Variants in SEPHS1 observed in about 807,000 individuals in gnomAD.
The protein encoded by SEPHS1 is selenophosphate synthetase 1.
Under a neutral mutation model 39.2 loss-of-function variants are expected in SEPHS1, and 7 were observed. That is an observed-to-expected ratio of 0.18 (90% CI 0.10 to 0.34). The LOEUF (loss-of-function observed/expected upper bound fraction) is 0.34, where lower values mean the gene tolerates loss of function less well. Among genes scored for constraint, SEPHS1 ranks in the 10% least tolerant of loss-of-function variants. The pLI, the probability that SEPHS1 is intolerant of heterozygous loss-of-function variation, is 1.00. For missense variants in SEPHS1, 253 were observed against 514.5 expected, an observed-to-expected ratio of 0.49 and a Z score of 4.92; for synonymous variants, 190 against 195.5, an observed-to-expected ratio of 0.97 and a Z score of 0.23.
intron 8 of SEPHS1, among the ~76,000 whole-genome samples, chr10:13,320,258 T>G (rs1833065705): frequency 6.6e-6 from 1 of 151,506 alleles, no homozygotes; most frequent in South Asian, 2.1e-4. Context: ...CTCGGCTCAC[T>G]GCAAGCTCCA....
Position 13,318,034 on chromosome 10 carries a change from G to A in SEPHS1, c.*1108C>T, listed in dbSNP as rs191808187. 1 of 152,140 alleles carries A rather than the reference G, an allele frequency of 6.6e-6. No individual in the cohort carries two copies. Among genetic ancestry groups the A allele is most frequent in the East Asian group, 1.9e-4 (1 of 5,188 alleles). 9.4% of individuals were successfully genotyped at this position (152,140 alleles called of 1,614,324 possible). On this transcript the variant is annotated 3_prime_UTR_variant, in exon 9 of 9. Transcript: ENST00000327347. Reference sequence around the variant, plus strand: ...GTACTTTAGGCAAAACCCTCCCAACGCTTCTAAAATAATACTAAAAGGGGC... The same window carrying A: ...GTACTTTAGGCAAAACCCTCCCAACACTTCTAAAATAATACTAAAAGGGGC...
intron 4 of SEPHS1, among the ~76,000 whole-genome samples, chr10:13,334,398 G>A (rs1449945061): frequency 2.0e-5 from 3 of 152,012 alleles, no homozygotes; most frequent in East Asian, 1.9e-4. Context: ...AAAATTAGCC[G>A]GGTGTGGTAG....
chr10:13,345,013 T>C lies in SEPHS1; in HGVS notation c.-63A>G, dbSNP rs557774306. The C allele has an allele frequency of 4.4e-5, 60 of 1,350,526 alleles. No individual in the cohort carries two copies. The highest frequency in any genetic ancestry group is 5.0e-5 in the Non-Finnish European group (52 of 1,032,006). 83.7% of individuals were successfully genotyped at this position (1,350,526 alleles called of 1,614,324 possible). A position where few individuals can be genotyped will look rare whatever the true frequency, so the allele number is the denominator to read the frequency against. ...CCCCTCCCTCTGCGGGTTGGCTGGG[T>C]TCTTTATGGATCCACCTGGGTGTCA... On this transcript the variant is annotated 5_prime_UTR_variant, in exon 2 of 9. Transcript: ENST00000327347.
At chr10:13,340,286 ACT>A (rs909789632) in intron 2 of SEPHS1, among the ~76,000 whole-genome samples, 1 of 151,868 alleles carries the variant, frequency 6.6e-6, no homozygotes, top group African/African-American at 2.4e-5. Context: ...CAAAGCAGAA[ACT>A]CTTGCTGGAA....
chr10:13,325,956 AAAAAAAAATAAT>A (rs1427136150), intron 7 of SEPHS1, among the ~76,000 whole-genome samples: 1 of 113,928 alleles, frequency 8.8e-6, no homozygotes, highest in Non-Finnish European at 1.8e-5. Flanking sequence ...CAAAAAAAAA[AAAAAAAAATAAT>A]AATAATAATA....
intron 2 of SEPHS1, among the ~76,000 whole-genome samples, chr10:13,340,304 C>T (rs1441244188): frequency 1.3e-5 from 2 of 151,768 alleles, no homozygotes; most frequent in Non-Finnish European, 2.9e-5. Context: ...TGGAAGACCT[C>T]GCTTAGGGAA....
At chr10:13,331,288 T>C (rs1833460906) in intron 5 of SEPHS1, among the ~76,000 whole-genome samples, 1 of 152,248 alleles carries the variant, frequency 6.6e-6, no homozygotes, top group African/African-American at 2.4e-5. Flanking sequence ...AGTGCTGCAA[T>C]AAACATATGT....
rs188207602 is a variant in SEPHS1, at chr10:13,324,102, G to A, written c.752-1055C>T. 1.3e-3 allele frequency among the ~76,000 whole-genome samples: 196 copies of A among 152,270 alleles called. 1 individual carries two copies. Among genetic ancestry groups the A allele is most frequent in the Non-Finnish European group, 2.1e-3 (144 of 68,016 alleles). The stretch of plus-strand genomic sequence containing the variant: ...GCTCTACCTGATCCCCTTCCTCTCC[G>A]ATAACCTCTGGCCACCACTGATCCT... On this transcript the variant is annotated intron_variant, in intron 7 of 8. Coordinates refer to ENST00000327347, the MANE Select transcript of SEPHS1 (RefSeq NM_012247.5).
intron 5 of SEPHS1, among the ~76,000 whole-genome samples, chr10:13,333,437 GTTC>G (rs1337376150): frequency 3.4e-5 from 5 of 148,276 alleles, no homozygotes; most frequent in East Asian, 2.0e-4. Flanking sequence ...CCAGCCTTGC[GTTC>G]TTGTCTTTTT....
At chr10:13,336,752 A>G (rs1833647840) in intron 3 of SEPHS1, among the ~76,000 whole-genome samples, 1 of 152,052 alleles carries the variant, frequency 6.6e-6, no homozygotes, top group Non-Finnish European at 1.5e-5. Flanking sequence ...CAACTCTCCT[A>G]AAGAAAAGTT....
chr10:13,329,696 A>G lies in SEPHS1; in HGVS notation c.651+2T>C. 6.3e-7 allele frequency: 1 copy of G among 1,598,692 alleles called. No individual in the cohort carries two copies. The highest frequency in any genetic ancestry group is 1.3e-5 in the African/African-American group (1 of 74,900). The stretch of plus-strand genomic sequence containing the variant: ...CTCCCATCACAGCAGTGGTTTACTC[A>G]CGATATCCAGCCACTGGTGCACAGC... On this transcript the variant is annotated splice_donor_variant, in intron 6 of 8. Transcript: ENST00000327347. LOFTEE classifies it high-confidence loss of function.
chr10:13,322,740 G>A, intron 8 of SEPHS1, 95 bp downstream of exon 8: 1 of 1,192,308 alleles, frequency 8.4e-7, no homozygotes, highest in Non-Finnish European at 1.2e-6. Flanking sequence ...AACTCGAACA[G>A]AGTGGGGGCC....
At chr10:13,325,033 G>A (rs1349457297) in intron 7 of SEPHS1, among the ~76,000 whole-genome samples, 2 of 152,156 alleles carry the variant, frequency 1.3e-5, no homozygotes, top group African/African-American at 4.8e-5. Flanking sequence ...TGAGTTTTAA[G>A]AGTCCTTTGT....
intron 6 of SEPHS1, 130 bp downstream of exon 6, chr10:13,329,568 C>A: frequency 1.6e-6 from 1 of 638,000 alleles, no homozygotes; most frequent in Non-Finnish European, 2.8e-6. Context: ...CCTAGGATTT[C>A]TTTAAGGACT....
chr10:13,328,171 G>GT (rs1424561165), intron 7 of SEPHS1, among the ~76,000 whole-genome samples, 180 bp downstream of exon 7: 3 of 152,176 alleles, frequency 2.0e-5, no homozygotes, highest in African/African-American at 7.2e-5. Context: ...ATAAAGCACT[G>GT]TAAGTCAGGG....
chr10:13,320,710 A>G (rs1173677427), intron 8 of SEPHS1, among the ~76,000 whole-genome samples: 2 of 151,918 alleles, frequency 1.3e-5, no homozygotes, highest in Non-Finnish European at 2.9e-5. Context: ...ACAGCCCTGT[A>G]ATCCCAGCTA....
intron 1 of SEPHS1, among the ~76,000 whole-genome samples, chr10:13,346,615 A>AT (rs1833930366): frequency 6.7e-6 from 1 of 149,100 alleles, no homozygotes; most frequent in Admixed American, 6.8e-5. Context: ...GAGTTATGGG[A>AT]AAGTTTGAAT....
intron 1 of SEPHS1, among the ~76,000 whole-genome samples, chr10:13,347,674 G>A (rs1419806920): frequency 2.1e-5 from 3 of 146,196 alleles, no homozygotes; most frequent in Non-Finnish European, 3.0e-5. Context: ...GGCCGCCGCC[G>A]CCGCCGCGCA....
At chr10:13,324,465 G>A (rs891904327) in intron 7 of SEPHS1, among the ~76,000 whole-genome samples, 2 of 152,182 alleles carry the variant, frequency 1.3e-5, no homozygotes, top group Non-Finnish European at 2.9e-5. Flanking sequence ...GAGCACAATC[G>A]CTGCATCATA....
Sources: allele counts gnomAD v4.1 joint callset (sites outside exome capture counted in the v4.1 genomes callset), GRCh38; gene constraint gnomAD v4.1.1; transcripts MANE v1.5; gene names NCBI Gene and HGNC (gene_info 2026-07-23, HGNC 2026-07-21).